The following MLLT10 variants were observed in gnomAD, a reference collection of about 807,000 sequenced individuals.
The protein encoded by MLLT10 is MLLT10 histone lysine methyltransferase DOT1L cofactor.
In MLLT10, 30 loss-of-function variants were observed where a neutral mutation model predicts 129.1. That is an observed-to-expected ratio of 0.23 (90% CI 0.17 to 0.32). The LOEUF is 0.32. Ranked by LOEUF, MLLT10 falls within the 10% of genes least tolerant of loss-of-function variation. The pLI is 1.00. For synonymous variants in MLLT10, 490 were observed against 446.4 expected, an observed-to-expected ratio of 1.10 and a Z score of -1.23; for missense variants, 1,119 against 1,268.3, an observed-to-expected ratio of 0.88 and a Z score of 1.79.
chr10:21,663,108 T>G (rs1267262356), intron 9 of MLLT10, among the ~76,000 whole-genome samples: 5 of 152,186 alleles, frequency 3.3e-5, no homozygotes, highest in African/African-American at 1.2e-4. Context: ...TCCCCCTTTA[T>G]TGGAGGGATC....
At chr10:21,565,845 A>G (rs377725135) in intron 3 of MLLT10, among the ~76,000 whole-genome samples, 1 of 144,580 alleles carries the variant, frequency 6.9e-6, no homozygotes, top group Non-Finnish European at 1.5e-5. Context: ...GGCTCAAGAG[A>G]CCCTCCTGTC....
At chr10:21,740,273 GAACTGT>G (rs1309089608) in intron 22 of MLLT10, 37 bp downstream of exon 22, 1 of 1,590,454 alleles carries the variant, frequency 6.3e-7, no homozygotes, top group East Asian at 2.2e-5. Flanking sequence ...AATGAAACAA[GAACTGT>G]ATTGATTAAT....
chr10:21,588,970 C>T (rs1450390990), intron 4 of MLLT10, among the ~76,000 whole-genome samples: 5 of 151,846 alleles, frequency 3.3e-5, no homozygotes, highest in Non-Finnish European at 5.9e-5. Flanking sequence ...ATTATAGGCA[C>T]ACACCACCGC....
chr10:21,538,556 C>G (rs932013416), intron 2 of MLLT10, among the ~76,000 whole-genome samples: 78 of 152,170 alleles, frequency 5.1e-4, no homozygotes, highest in African/African-American at 1.9e-3. Flanking sequence ...GCCCTCCCAA[C>G]TCGACCTCCC....
intron 22 of MLLT10, 46 bp downstream of exon 22, chr10:21,740,282 T>G (rs1309043435): frequency 6.3e-7 from 1 of 1,578,006 alleles, no homozygotes; most frequent in Non-Finnish European, 8.7e-7. Context: ...AGAACTGTAT[T>G]GATTAATCGG....
chr10:21,589,253 G>T (rs1268582916), intron 4 of MLLT10, among the ~76,000 whole-genome samples: 2 of 147,056 alleles, frequency 1.4e-5, no homozygotes, highest in Middle Eastern at 3.3e-3. Flanking sequence ...TTTTAATTTT[G>T]TTCAATTTAT....
At chr10:21,663,706 A>G (rs2050450229) in intron 9 of MLLT10, among the ~76,000 whole-genome samples, 1 of 152,156 alleles carries the variant, frequency 6.6e-6, no homozygotes, top group South Asian at 2.1e-4. Context: ...CTGGGACTAC[A>G]GACGCCTGCC....
chr10:21,704,722 C>T (rs1231565022), intron 13 of MLLT10, among the ~76,000 whole-genome samples: 1 of 150,400 alleles, frequency 6.6e-6, no homozygotes, highest in Non-Finnish European at 1.5e-5. Flanking sequence ...TAGGGGAGAA[C>T]ATTTTATTGA....
intron 13 of MLLT10, among the ~76,000 whole-genome samples, chr10:21,696,727 T>C (rs1589692519): frequency 6.6e-6 from 1 of 152,146 alleles, no homozygotes; most frequent in Non-Finnish European, 1.5e-5. Flanking sequence ...GTATTGAAAT[T>C]CCTCGAGCCG....
chr10:21,645,572 A>G (rs1001435013), intron 8 of MLLT10, among the ~76,000 whole-genome samples: 2 of 152,070 alleles, frequency 1.3e-5, no homozygotes, highest in African/African-American at 4.8e-5. Context: ...GGGCTTTCTG[A>G]TGAACTTGTC....
intron 14 of MLLT10, among the ~76,000 whole-genome samples, chr10:21,725,547 C>T (rs1053584872): frequency 3.3e-5 from 5 of 151,844 alleles, no homozygotes; most frequent in Non-Finnish European, 4.4e-5. Context: ...GGTGAAACTC[C>T]GTCTGTACTA....
At chr10:21,741,294 A>G (rs144655612) in intron 22 of MLLT10, among the ~76,000 whole-genome samples, 2 of 152,238 alleles carry the variant, frequency 1.3e-5, no homozygotes, top group East Asian at 1.9e-4. Flanking sequence ...TGTTTCACCA[A>G]GTGTTTTTCT....
At chr10:21,666,350 C>T (rs1189876987) in intron 9 of MLLT10, among the ~76,000 whole-genome samples, 1 of 151,870 alleles carries the variant, frequency 6.6e-6, no homozygotes, top group South Asian at 2.1e-4. Context: ...TACTTTTGCT[C>T]TATATCATCT....
At chr10:21,667,410 T>G (rs571232126) in intron 9 of MLLT10, among the ~76,000 whole-genome samples, 21 of 151,658 alleles carry the variant, frequency 1.4e-4, no homozygotes, top group Non-Finnish European at 2.9e-4. Flanking sequence ...CTACTATTAT[T>G]TCTTCAGTTT....
chr10:21,738,094 C>G (rs576551917), intron 21 of MLLT10, among the ~76,000 whole-genome samples: 6 of 151,798 alleles, frequency 4.0e-5, no homozygotes, highest in Non-Finnish European at 7.4e-5. Context: ...GTGGTGAAAC[C>G]CCGTCTCTAC....
At chr10:21,603,535 C>G (rs1210104184) in intron 5 of MLLT10, among the ~76,000 whole-genome samples, 2 of 152,126 alleles carry the variant, frequency 1.3e-5, no homozygotes, top group Non-Finnish European at 2.9e-5. Flanking sequence ...ATATATAAAA[C>G]AGTAAGCAAT....
chr10:21,584,112 C>T (rs1359957312), intron 3 of MLLT10, among the ~76,000 whole-genome samples: 2 of 151,944 alleles, frequency 1.3e-5, no homozygotes, highest in African/African-American at 2.4e-5. Flanking sequence ...CCGTGATCCA[C>T]CCGCCTCAGC....
chr10:21,615,505 A>G lies in MLLT10; in HGVS notation c.603+581A>G, dbSNP rs962671535. 1.3e-3 allele frequency among the ~76,000 whole-genome samples: 202 copies of G among 150,770 alleles called. 1 individual carries two copies. Among genetic ancestry groups the G allele is most frequent in the African/African-American group, 4.6e-3 (190 of 41,308 alleles). ...AAAAAAAGAAAATATATAAATATTG[A>G]TAGTGAATGTTGGTATACATTTAGT... is the stretch of plus-strand genomic sequence containing the variant. On this transcript the variant is annotated intron_variant, in intron 7 of 22. Transcript: ENST00000307729.
intron 21 of MLLT10, among the ~76,000 whole-genome samples, chr10:21,736,667 T>C (rs940792934): frequency 6.6e-6 from 1 of 152,246 alleles, no homozygotes; most frequent in Non-Finnish European, 1.5e-5. Context: ...TAGTGACTTT[T>C]ACTGAGATGT....
Sources: allele counts gnomAD v4.1 joint callset (sites outside exome capture counted in the v4.1 genomes callset), GRCh38; gene constraint gnomAD v4.1.1; transcripts MANE v1.5; gene names NCBI Gene and HGNC (gene_info 2026-07-23, HGNC 2026-07-21).